Variants in CFAP69 observed in about 807,000 individuals in gnomAD.
The protein encoded by CFAP69 is cilia- and flagella-associated protein 69.
CFAP69 carries 92 observed loss-of-function variants against 123.0 expected under a neutral mutation model. That is an observed-to-expected ratio of 0.75 (90% CI 0.63 to 0.89). CFAP69 has a LOEUF of 0.89. Among genes scored for constraint, CFAP69 ranks in the 40% least tolerant of loss-of-function variants. The pLI is 0.00. For synonymous variants in CFAP69, 380 were observed against 364.3 expected (o/e 1.04, Z -0.49); for missense variants, 1,067 against 1,096.9 (o/e 0.97, Z 0.39).
intron 5 of CFAP69, among the ~76,000 whole-genome samples, chr7:90,266,598 G>A (rs1168430339): frequency 1.3e-5 from 2 of 152,024 alleles, no homozygotes; most frequent in African/African-American, 4.8e-5. Flanking sequence ...TTTTTACTGA[G>A]TGTCAACTTA....
At chr7:90,276,823 A>C (rs1438929735) in intron 9 of CFAP69, among the ~76,000 whole-genome samples, 3 of 152,098 alleles carry the variant, frequency 2.0e-5, no homozygotes, top group African/African-American at 7.2e-5. Context: ...ATAATATAAA[A>C]TATTTCTTAG....
chr7:90,257,392 G>A (rs920065507), intron 2 of CFAP69, among the ~76,000 whole-genome samples: 1 of 152,140 alleles, frequency 6.6e-6, no homozygotes, highest in Non-Finnish European at 1.5e-5. Flanking sequence ...TCAAGTCAGA[G>A]TATTTAGGCT....
rs570333034 is a variant in CFAP69, at chr7:90,304,588, CT to C, written c.2189-151del. The C allele has an allele frequency of 6.0e-3, 8,444 of 1,408,784 alleles. 47 individuals are homozygous for C. The highest frequency in any genetic ancestry group is 6.4e-3 in the Non-Finnish European group (6,921 of 1,087,542). The allele number at this position is 1,408,784 out of a possible 1,614,324, so 87.3% of individuals were successfully genotyped here. Reference sequence around the variant, plus strand: ...ACTCACAAGCTACTCACAGAATTAACTTTTTCATAAATCAAGATGAAATCAA... The same window carrying C: ...ACTCACAAGCTACTCACAGAATTAACTTTTCATAAATCAAGATGAAATCAA... On this transcript the variant is annotated intron_variant, in intron 18 of 22. Transcript: ENST00000389297.
chr7:90,319,227 A>C, the CFAP69 span: 127 of 396,814 alleles, frequency 3.2e-4, no homozygotes, highest in Non-Finnish European at 7.1e-5. Flanking sequence ...AAAACCTATC[A>C]TTTTAGGGAA....
At chr7:90,283,858 A>G (rs1465860592) in intron 13 of CFAP69, among the ~76,000 whole-genome samples, 1 of 152,158 alleles carries the variant, frequency 6.6e-6, no homozygotes, top group Non-Finnish European at 1.5e-5. Context: ...TTACTCTTCC[A>G]TCACTAGTGG....
chr7:90,286,987 C>T (rs1790386106), intron 14 of CFAP69, among the ~76,000 whole-genome samples: 3 of 149,906 alleles, frequency 2.0e-5, no homozygotes, highest in Non-Finnish European at 4.4e-5. Flanking sequence ...ACTCGGGAGG[C>T]TGAGGCACGA....
At chr7:90,256,866 C>G (rs1797715657) in intron 2 of CFAP69, among the ~76,000 whole-genome samples, 1 of 152,116 alleles carries the variant, frequency 6.6e-6, no homozygotes, top group African/African-American at 2.4e-5. Context: ...AAAGGACAGA[C>G]AGAATTCAGT....
intron 1 of CFAP69, among the ~76,000 whole-genome samples, chr7:90,249,525 G>A (rs534752591): frequency 6.6e-6 from 1 of 152,288 alleles, no homozygotes; most frequent in African/African-American, 2.4e-5. Flanking sequence ...GCTTCCTACA[G>A]GAAGGTAGAG....
At position 90,245,349 on chromosome 7, in the gene CFAP69, C is replaced by G. The variant is rs1390689117; in HGVS notation, c.-76C>G. On this transcript the variant is annotated 5_prime_UTR_variant, in exon 1 of 23. Coordinates refer to ENST00000389297, the MANE Select transcript of CFAP69 (RefSeq NM_001039706.3). ...TGCCTTCCCTTCTCGGTGGCGGGGC[C>G]TCTTTGGGCCCAGCGGCTGCGGGCG... 6 of 1,435,414 alleles carry G rather than the reference C, an allele frequency of 4.2e-6. No individual in the cohort carries two copies. Among genetic ancestry groups the G allele is most frequent in the Non-Finnish European group, 4.6e-6 (5 of 1,094,170 alleles). The allele number at this position is 1,435,414 out of a possible 1,614,324, so 88.9% of individuals were successfully genotyped here. A position where few individuals can be genotyped will look rare whatever the true frequency, so the allele number is the denominator to read the frequency against.
chr7:90,291,942 C>T (rs1791262285), intron 15 of CFAP69, among the ~76,000 whole-genome samples: 1 of 152,084 alleles, frequency 6.6e-6, no homozygotes. Flanking sequence ...TGGTTGGTTC[C>T]CAGGAATGAG....
At position 90,284,632 on chromosome 7, in the gene CFAP69, G is replaced by A. The variant is rs1015404; in HGVS notation, c.1537+1576G>A. On this transcript the variant is annotated intron_variant, in intron 13 of 22. Transcript: ENST00000389297. ...AAATGTTACAGAAACTAAGAGGCTT[G>A]GGTAGTTTTCAAGGCTAGGAAGTCT... Among the ~76,000 whole-genome samples, 189 of 151,946 alleles carry A rather than the reference G, an allele frequency of 1.2e-3. 2 individuals are homozygous for A. The highest frequency in any genetic ancestry group is 4.3e-3 in the African/African-American group (177 of 41,440).
chr7:90,293,517 C>G (rs1457134637), intron 15 of CFAP69, among the ~76,000 whole-genome samples: 2 of 152,110 alleles, frequency 1.3e-5, no homozygotes, highest in African/African-American at 4.8e-5. Flanking sequence ...CAAATCTGCC[C>G]CAACTTGCTT....
At chr7:90,258,265 A>G in intron 3 of CFAP69, 102 bp downstream of exon 3, 2 of 835,826 alleles carry the variant, frequency 2.4e-6, no homozygotes, top group South Asian at 3.4e-5. Context: ...ACAAATTACC[A>G]TAAATTTGAT....
At chr7:90,256,090 G>T (rs894047630) in intron 2 of CFAP69, among the ~76,000 whole-genome samples, 4 of 152,074 alleles carry the variant, frequency 2.6e-5, no homozygotes, top group Middle Eastern at 3.2e-3. Flanking sequence ...TTTCCAAAAA[G>T]GAATACGTAT....
Position 90,307,792 on chromosome 7 carries a change from G to C in CFAP69, c.2488G>C (p.Glu830Gln), listed in dbSNP as rs572240323. 8 of 1,611,008 alleles carry C rather than the reference G, an allele frequency of 5.0e-6. No homozygotes were observed. Among genetic ancestry groups the C allele is most frequent in the South Asian group, 1.1e-5 (1 of 90,742 alleles). The change falls in exon 21 of 23, where the codon GAG becomes CAG. Residue 830 changes from glutamate (E) to glutamine (Q), a missense_variant. By Grantham distance (29) the Glu-to-Gln change is conservative. Transcript: ENST00000389297. ...AKIQATHKQR[E>Q]LANKSWEDFL... is the part of the protein sequence containing the mutation. ...GATACAGGCCACGCACAAGCAAAGA[G>C]AGCTGGCTAATAAATCATGGGAAGA...
chr7:90,296,378 G>A (rs1173281100), intron 15 of CFAP69, among the ~76,000 whole-genome samples: 1 of 151,678 alleles, frequency 6.6e-6, no homozygotes, highest in African/African-American at 2.4e-5. Context: ...CCCAGCCCGG[G>A]GTGCAGTGGC....
intron 4 of CFAP69, among the ~76,000 whole-genome samples, chr7:90,264,468 A>C (rs1423861502): frequency 6.6e-6 from 1 of 151,942 alleles, no homozygotes; most frequent in Non-Finnish European, 1.5e-5. Flanking sequence ...AATAAGCAAA[A>C]ATGCACTGAT....
At chr7:90,300,627 C>T (rs1205712300) in intron 17 of CFAP69, 1 of 328,950 alleles carries the variant, frequency 3.0e-6, no homozygotes, top group Non-Finnish European at 4.3e-6. Flanking sequence ...TTCCATACTG[C>T]TATATTACAT....
At chr7:90,245,693 A>G in intron 1 of CFAP69, 149 bp downstream of exon 1, 1 of 1,078,550 alleles carries the variant, frequency 9.3e-7, no homozygotes, top group South Asian at 2.3e-5. Context: ...GCGCAGAGCT[A>G]ATCCTGATCC....
Sources: allele counts gnomAD v4.1 joint callset (sites outside exome capture counted in the v4.1 genomes callset), GRCh38; gene constraint gnomAD v4.1.1; transcripts MANE v1.5; gene names NCBI Gene and HGNC (gene_info 2026-07-23, HGNC 2026-07-21).